ZNG1B: variants seen among roughly 807,000 people sequenced by gnomAD.
The protein encoded by ZNG1B is zinc-regulated GTPase metalloprotein activator 1B.
At chr2:113,468,920 G>T in the ZNG1B span, 1 of 151,858 alleles carries the variant, frequency 6.6e-6, no homozygotes, top group African/African-American at 2.4e-5. Flanking sequence ...AGTATGGAAA[G>T]AATCTGAGTA....
At chr2:113,477,175 G>C in the ZNG1B span, among the ~76,000 whole-genome samples, 103 of 152,292 alleles carry the variant, frequency 6.8e-4, 2 homozygotes, top group South Asian at 0.021. Context: ...GCGAGACTCC[G>C]TGGGCGTGGG....
At chr2:113,462,205 A>G in the ZNG1B span, among the ~76,000 whole-genome samples, 1 of 152,210 alleles carries the variant, frequency 6.6e-6, no homozygotes. Context: ...AATGAACACA[A>G]TTCATCCACA....
At chr2:113,473,819 G>A in the ZNG1B span, among the ~76,000 whole-genome samples, 1 of 145,622 alleles carries the variant, frequency 6.9e-6, no homozygotes, top group Non-Finnish European at 1.5e-5. Flanking sequence ...AACCAGCCTT[G>A]CGTCCCAGGG....
chr2:113,448,184 GA>G, the ZNG1B span, among the ~76,000 whole-genome samples: 3 of 151,946 alleles, frequency 2.0e-5, no homozygotes, highest in Non-Finnish European at 2.9e-5. Flanking sequence ...GTGGGCTGCA[GA>G]ATGGATGTTG....
chr2:113,467,083 CA>C, the ZNG1B span, among the ~76,000 whole-genome samples: 2 of 146,632 alleles, frequency 1.4e-5, no homozygotes, highest in Non-Finnish European at 3.0e-5. Context: ...AAAAAACAAA[CA>C]AAAAAACCGG....
the ZNG1B span, among the ~76,000 whole-genome samples, chr2:113,450,468 G>C: frequency 6.7e-6 from 1 of 149,964 alleles, no homozygotes; most frequent in African/African-American, 2.5e-5. Context: ...TAGGCTCTAA[G>C]TTTCTTTAGC....
chr2:113,470,766 G>A, the ZNG1B span: 23 of 490,720 alleles, frequency 4.7e-5, no homozygotes, highest in East Asian at 5.4e-4. Context: ...TTCTTTAGCT[G>A]ATTTTTTAGC....
chr2:113,446,414 AAAG>A, the ZNG1B span, among the ~76,000 whole-genome samples: 1 of 152,240 alleles, frequency 6.6e-6, no homozygotes, highest in Non-Finnish European at 1.5e-5. Flanking sequence ...TAAAAAATAC[AAAG>A]AAGAAAGTTG....
At chr2:113,439,690 G>A in the ZNG1B span, among the ~76,000 whole-genome samples, 3 of 152,016 alleles carry the variant, frequency 2.0e-5, no homozygotes. Context: ...ATGAACTAAT[G>A]TTACTTCAAA....
At chr2:113,447,080 G>T in the ZNG1B span, among the ~76,000 whole-genome samples, 1 of 140,554 alleles carries the variant, frequency 7.1e-6, no homozygotes, top group East Asian at 2.1e-4. Context: ...GCAGTAAACT[G>T]AATATCACAA....
the ZNG1B span, among the ~76,000 whole-genome samples, chr2:113,445,812 T>C: frequency 6.7e-6 from 1 of 149,904 alleles, no homozygotes; most frequent in Admixed American, 6.7e-5. Flanking sequence ...TTTTTTTTTT[T>C]TGATCTGGGT....
At chr2:113,449,336 G>C in the ZNG1B span, among the ~76,000 whole-genome samples, 1 of 146,060 alleles carries the variant, frequency 6.8e-6, no homozygotes, top group Non-Finnish European at 1.5e-5. Flanking sequence ...TGGCTCAAGA[G>C]ACCTAGCTTT....
the ZNG1B span, chr2:113,457,039 C>G: frequency 1.5e-5 from 7 of 454,478 alleles, no homozygotes; most frequent in Non-Finnish European, 3.1e-5. Context: ...ACCCATTGAT[C>G]TGAAATATTC....
chr2:113,484,858 G>C, the ZNG1B span, among the ~76,000 whole-genome samples: 1 of 149,846 alleles, frequency 6.7e-6, no homozygotes, highest in Admixed American at 6.6e-5. Context: ...TTTTTTAGTA[G>C]AGATGGGGTT....
chr2:113,444,254 T>G, the ZNG1B span: 1 of 305,242 alleles, frequency 3.3e-6, no homozygotes, highest in Non-Finnish European at 6.3e-6. Flanking sequence ...TTCTACTAGT[T>G]AAGTTTTCAA....
the ZNG1B span, chr2:113,468,650 A>G: frequency 6.7e-6 from 1 of 149,910 alleles, no homozygotes; most frequent in South Asian, 2.1e-4. Flanking sequence ...AATGCTTTGG[A>G]AAAGATCTCA....
At chr2:113,445,715 C>A in the ZNG1B span, among the ~76,000 whole-genome samples, 3 of 148,260 alleles carry the variant, frequency 2.0e-5, no homozygotes, top group African/African-American at 5.0e-5. Flanking sequence ...CCCCAAATAA[C>A]TTTTAGATAA....
At chr2:113,493,167 TCTC>T in the ZNG1B span, among the ~76,000 whole-genome samples, 2 of 132,714 alleles carry the variant, frequency 1.5e-5, 1 homozygote, top group Non-Finnish European at 3.2e-5. Context: ...TAAGAACTCT[TCTC>T]CTCTTGGCAC....
chr2:113,477,113 C>G, the ZNG1B span, among the ~76,000 whole-genome samples: 2 of 152,242 alleles, frequency 1.3e-5, no homozygotes, highest in African/African-American at 2.4e-5. Context: ...GCCCCTCCCC[C>G]AGCCTCGCTG....
Sources: allele counts gnomAD v4.1 joint callset (sites outside exome capture counted in the v4.1 genomes callset), GRCh38; gene constraint gnomAD v4.1.1; transcripts MANE v1.5; gene names NCBI Gene and HGNC (gene_info 2026-07-23, HGNC 2026-07-21).